The following ROCK2 variants were observed in gnomAD, a reference collection of about 807,000 sequenced individuals.
The protein encoded by ROCK2 is Rho associated coiled-coil containing protein kinase 2, also known as rho-associated protein kinase 2.
ROCK2 carries 61 observed loss-of-function variants against 195.1 expected under a neutral mutation model. That is an observed-to-expected ratio of 0.31 (90% confidence interval 0.25 to 0.39). The LOEUF (loss-of-function observed/expected upper bound fraction) is 0.39. Among genes scored for constraint, ROCK2 ranks in the 10% least tolerant of loss-of-function variants. The probability of loss-of-function intolerance (pLI) is 1.00; values close to 1 mark genes in which losing one functional copy is unlikely to be tolerated. For synonymous variants in ROCK2, 504 were observed against 545.5 expected (o/e 0.92, Z 1.06); for missense variants, 1,109 against 1,637.4 (o/e 0.68, Z 5.57).
chr2:11,289,302 C>T (rs1040933989), intron 1 of ROCK2, among the ~76,000 whole-genome samples: 2 of 152,124 alleles, frequency 1.3e-5, no homozygotes, highest in African/African-American at 4.8e-5. Context: ...AGCTGGACTA[C>T]TTTTCAAGGA....
At chr2:11,300,102 T>C (rs1449585033) in intron 1 of ROCK2, among the ~76,000 whole-genome samples, 2 of 152,170 alleles carry the variant, frequency 1.3e-5, no homozygotes, top group Non-Finnish European at 2.9e-5. Context: ...ATGAAACAAT[T>C]TGATAACTAA....
chr2:11,293,149 T>C (rs1304342959), intron 1 of ROCK2, among the ~76,000 whole-genome samples: 1 of 152,130 alleles, frequency 6.6e-6, no homozygotes, highest in Non-Finnish European at 1.5e-5. Flanking sequence ...AAAGAGATAA[T>C]AAAGTAAAGG....
chr2:11,263,740 AG>A (rs769620430), intron 3 of ROCK2, among the ~76,000 whole-genome samples: 13 of 151,900 alleles, frequency 8.6e-5, no homozygotes, highest in Admixed American at 7.2e-4. Flanking sequence ...GTGGAAGATA[AG>A]GGTTAAAGTT....
chr2:11,228,275 T>G (rs551551778), intron 5 of ROCK2, among the ~76,000 whole-genome samples: 13 of 152,276 alleles, frequency 8.5e-5, no homozygotes, highest in African/African-American at 3.1e-4. Context: ...CTATACAAAC[T>G]ACCTAATATT....
At position 11,308,961 on chromosome 2, in the gene ROCK2, G is replaced by C; in HGVS notation, c.142-21225C>G. 7.5e-6 allele frequency: 12 copies of C among 1,609,598 alleles called. No individual in the cohort carries two copies. In the South Asian group the frequency reaches 1.2e-4, roughly 16 times the overall value. ...GAATGATCCTGACATGATGAACCTG[G>C]AACTTCTGTGAATTTTACCACTCAG... On this transcript the variant is annotated intron_variant, in intron 1 of 32. Transcript: ENST00000315872.
intron 7 of ROCK2, 128 bp downstream of exon 7, chr2:11,224,194 C>T (rs1052326297): frequency 2.3e-6 from 2 of 884,542 alleles, no homozygotes; most frequent in South Asian, 1.8e-5. Context: ...AAAAGGCTAA[C>T]CCAGAATTAG....
intron 18 of ROCK2, 80 bp from the exon 19 acceptor site, chr2:11,208,527 A>G (rs1322876617): frequency 1.1e-5 from 7 of 661,782 alleles, no homozygotes; most frequent in Non-Finnish European, 1.6e-5. Context: ...AAAGCACATT[A>G]AATGACACCA....
At chr2:11,286,389 T>C (rs1667190147) in intron 3 of ROCK2, 150 bp downstream of exon 3, 1 of 559,562 alleles carries the variant, frequency 1.8e-6, no homozygotes, top group Non-Finnish European at 3.2e-6. Flanking sequence ...CAACAAAGGC[T>C]TCCTTTTATA....
At chr2:11,306,709 T>C (rs1667869612) in intron 1 of ROCK2, among the ~76,000 whole-genome samples, 1 of 152,210 alleles carries the variant, frequency 6.6e-6, no homozygotes, top group Admixed American at 6.5e-5. Context: ...CGGGATATCA[T>C]TTCAACAAAT....
Position 11,197,282 on chromosome 2 carries a change from T to C in ROCK2, c.3346A>G (p.Ile1116Val). 6.2e-7 allele frequency: 1 copy of C among 1,614,130 alleles called. No individual in the cohort carries two copies. Residue 1116 changes from isoleucine (I) to valine (V), a missense_variant, in exon 27 of 33, where the codon ATT (isoleucine) becomes GTT (valine). Transcript: ENST00000315872. This position sits in a 1 kb window ranked among gnomAD's most constrained non-coding sequence, Gnocchi z 4.9. ...TGGAGTTGTGACCGCAGCTGCTCAA[T>C]GTCACTGTCTTTACTGTCCAATGTC... ...QMTLDSKDSD[I>V]EQLRSQLQAL...
Position 11,214,947 on chromosome 2 carries a change from T to C in ROCK2, c.1829A>G (p.Glu610Gly), listed in dbSNP as rs1323669309. The C allele has an allele frequency of 6.2e-7, 1 of 1,614,022 alleles. No homozygotes were observed. The highest frequency in any genetic ancestry group is 8.5e-7 in the Non-Finnish European group (1 of 1,180,006). Residue 610 changes from glutamate to glycine, a missense_variant, in exon 16 of 33, where the codon GAG (glutamate) becomes GGG (glycine). Around this residue, in one of 6 missense-constraint regions of ROCK2, gnomAD observed 542 missense variants for 672.0 expected, o/e 0.81. Coordinates refer to ENST00000315872, the MANE Select transcript of ROCK2 (RefSeq NM_004850.5). The stretch of plus-strand genomic sequence containing the variant: ...CTTTTCAAGTTTTAACTTGGCAGTC[T>C]CCAGCAGGCAGTTTTTATCTTGTAG... ...RDLQDKNCLL[E>G]TAKLKLEKEF...
At chr2:11,250,248 C>A (rs1309292010) in intron 3 of ROCK2, among the ~76,000 whole-genome samples, 2 of 152,114 alleles carry the variant, frequency 1.3e-5, no homozygotes, top group African/African-American at 4.8e-5. Flanking sequence ...TCAAGGGATA[C>A]CTATGATTTT....
At chr2:11,284,435 A>T (rs1426757650) in intron 3 of ROCK2, among the ~76,000 whole-genome samples, 1 of 152,214 alleles carries the variant, frequency 6.6e-6, no homozygotes, top group Non-Finnish European at 1.5e-5. Context: ...CATCAGTTGT[A>T]ACAAATGTAC....
At chr2:11,316,703 G>A (rs537035180) in intron 1 of ROCK2, among the ~76,000 whole-genome samples, 9 of 152,206 alleles carry the variant, frequency 5.9e-5, no homozygotes, top group South Asian at 2.1e-4. Context: ...TCTTTAAGAC[G>A]TAAACATTTT....
chr2:11,304,287 T>C (rs1188604840), intron 1 of ROCK2, among the ~76,000 whole-genome samples: 1 of 152,228 alleles, frequency 6.6e-6, no homozygotes, highest in Non-Finnish European at 1.5e-5. Flanking sequence ...TTCCTTTTCC[T>C]ACTACAACCA....
rs573095558 is a variant in ROCK2, at chr2:11,191,052, A to C, written c.4163+1096T>G. On this transcript the variant is annotated intron_variant, in intron 32 of 32. Transcript: ENST00000315872. ...GATTAGTTTCAGAAAGTTTCATCTA[A>C]GATGTTTGTGATTAGAATTTCTGAC... is the stretch of plus-strand genomic sequence containing the variant. Among the ~76,000 whole-genome samples, 9 of 152,262 alleles carry C rather than the reference A, an allele frequency of 5.9e-5. 1 individual carries two copies. In the South Asian group the frequency reaches 1.9e-3, roughly 32 times the overall value.
chr2:11,338,432 G>GA (rs1358772089), intron 1 of ROCK2, among the ~76,000 whole-genome samples: 1 of 151,324 alleles, frequency 6.6e-6, no homozygotes. Flanking sequence ...AAATAATTTG[G>GA]AAAAAAAATA....
rs1486111657 is a variant in ROCK2, at chr2:11,181,868, G to C, written c.*1569C>G. 6.6e-6 allele frequency: 1 copy of C among 151,918 alleles called. No individual in the cohort carries two copies. The highest frequency in any genetic ancestry group is 1.5e-5 in the Non-Finnish European group (1 of 68,000). The allele number at this position is 151,918 out of a possible 1,614,324, so 9.4% of individuals were successfully genotyped here. A position where few individuals can be genotyped will look rare whatever the true frequency, so the allele number is the denominator to read the frequency against. The stretch of plus-strand genomic sequence containing the variant: ...GGCTGGTCTTGAACTCCTCACCTCA[G>C]GTGATCCGCCCGTCTTGGCCTCCCA... On this transcript the variant is annotated 3_prime_UTR_variant, in exon 33 of 33. Coordinates refer to ENST00000315872, the MANE Select transcript of ROCK2 (RefSeq NM_004850.5).
At chr2:11,292,347 G>A (rs1168954912) in intron 1 of ROCK2, among the ~76,000 whole-genome samples, 1 of 152,034 alleles carries the variant, frequency 6.6e-6, no homozygotes, top group Non-Finnish European at 1.5e-5. Context: ...CACTATACAT[G>A]CATTTAACAT....
Sources: gnomAD v4.1 joint callset for allele counts (sites outside exome capture counted in the v4.1 genomes callset) on GRCh38, gnomAD v4.1.1 for gene constraint, gnomAD v4.1.1 regional missense constraint, Gnocchi (gnomAD v3.1) non-coding constraint, MANE v1.5 for transcripts, NCBI Gene and HGNC (gene_info 2026-07-23, HGNC 2026-07-21) for gene names.